The following FAM228B variants were observed in gnomAD, a reference collection of about 807,000 sequenced individuals.
FAM228B encodes the protein family with sequence similarity 228 member B, also known as protein FAM228B.
A neutral mutation model predicts 42.6 loss-of-function variants in FAM228B; 38 were observed. That is an observed-to-expected ratio of 0.89 (90% CI 0.69 to 1.17). The LOEUF (loss-of-function observed/expected upper bound fraction) is 1.17, where lower values mean the gene tolerates loss of function less well. FAM228B is among the 50% of genes most tolerant of loss of function. FAM228B has a pLI of 0.00. For missense variants in FAM228B, 344 were observed against 367.3 expected, an observed-to-expected ratio of 0.94 and a Z score of 0.52; for synonymous variants, 109 against 122.3, an observed-to-expected ratio of 0.89 and a Z score of 0.72.
In FAM228B at chr2:24,133,728, C is replaced by T. The variant is rs559396686; in HGVS notation, c.100-1391C>T. ...CCTAAAGATTGTGTTATTTCAAAATCTGAAAATGTGACTTGTATATAAAAA... is the reference window on the plus strand; with the variant it reads ...CCTAAAGATTGTGTTATTTCAAAATTTGAAAATGTGACTTGTATATAAAAA... On this transcript the variant is annotated intron_variant, in intron 2 of 10. Transcript: ENST00000615575. 2.6e-5 allele frequency among the ~76,000 whole-genome samples: 4 copies of T among 152,212 alleles called. No homozygotes were observed. The South Asian group carries it at 8.3e-4, about 32-fold the overall frequency.
intron 7 of FAM228B, among the ~76,000 whole-genome samples, chr2:24,147,796 A>G (rs1044525560): frequency 2.0e-5 from 3 of 152,058 alleles, no homozygotes; most frequent in African/African-American, 7.2e-5. Context: ...CTTTTCCACT[A>G]GATTCTTTAC....
chr2:24,121,081 C>T (rs998867944), upstream of FAM228B: 142 of 1,531,362 alleles, frequency 9.3e-5, no homozygotes, highest in Non-Finnish European at 1.1e-4. Context: ...ATCTGTTTTA[C>T]AGAAAGGATC....
At chr2:24,123,818 G>A (rs1666217851) in intron 1 of FAM228B, among the ~76,000 whole-genome samples, 1 of 152,066 alleles carries the variant, frequency 6.6e-6, no homozygotes. Flanking sequence ...GGGAGTGGGC[G>A]CGATGAGCGA....
Position 24,146,987 on chromosome 2 carries a change from G to T in FAM228B, c.587G>T (p.Arg196Ile). The T allele has an allele frequency of 6.4e-7, 1 of 1,551,416 alleles. No individual in the cohort carries two copies. The highest frequency in any genetic ancestry group is 8.7e-7 in the Non-Finnish European group (1 of 1,146,814). ...GTTGAGAAGGTTCAGCTGCATTCCA[G>T]ATTCCCACAAATTTCTAATTCAAGG... ...KEVEKVQLHSRFPQISNSRHF... is the reference protein window; with the variant it reads ...KEVEKVQLHSIFPQISNSRHF... Residue 196 changes from arginine to isoleucine, a missense_variant, in exon 7 of 11, where the codon AGA (arginine) becomes ATA (isoleucine). By Grantham distance (97) the Arg-to-Ile change is moderately conservative. Coordinates refer to ENST00000615575, the MANE Select transcript of FAM228B (RefSeq NM_001145710.2).
intron 3 of FAM228B, among the ~76,000 whole-genome samples, chr2:24,105,772 C>T (rs1573739879): frequency 6.6e-6 from 1 of 152,180 alleles, no homozygotes; most frequent in Admixed American, 6.5e-5. Context: ...AAGAACCCAA[C>T]TGATCTGATA....
chr2:24,164,052 A>T, intron 8 of FAM228B, 146 bp from the exon 9 acceptor site: 1 of 724,648 alleles, frequency 1.4e-6, no homozygotes, highest in Non-Finnish European at 2.1e-6. Context: ...GTTTATTTTC[A>T]CACAAAAAAA....
intron 2 of FAM228B, among the ~76,000 whole-genome samples, chr2:24,082,258 A>G (rs1665039602): frequency 6.6e-6 from 1 of 152,208 alleles, no homozygotes; most frequent in Non-Finnish European, 1.5e-5. Flanking sequence ...TGCTACGATT[A>G]TAGGTGTGAG....
intron 5 of FAM228B, among the ~76,000 whole-genome samples, chr2:24,146,532 T>C (rs1436735495): frequency 2.6e-5 from 4 of 152,208 alleles, no homozygotes; most frequent in African/African-American, 9.6e-5. Flanking sequence ...GCTAACTTTG[T>C]CTCTTTGACT....
At position 24,093,780 on chromosome 2, in the gene FAM228B, C is replaced by T. The variant is rs182299403; in HGVS notation, c.-209-1361C>T. Among the ~76,000 whole-genome samples, 355 of 152,032 alleles carry T rather than the reference C, an allele frequency of 2.3e-3. 5 individuals carry two copies. The highest frequency in any genetic ancestry group is 0.021 in the Admixed American group (318 of 15,234). On this transcript the variant is annotated intron_variant, in intron 2 of 10. Coordinates refer to the FAM228B transcript ENST00000613899. ...TACAGGGGCCCACCACCTAGCCTGG[C>T]TAATTTTTTTTGTATTTTTAATAGA...
At chr2:24,088,420 G>A (rs999515321) in intron 2 of FAM228B, among the ~76,000 whole-genome samples, 10 of 152,032 alleles carry the variant, frequency 6.6e-5, no homozygotes, top group Middle Eastern at 6.8e-3. Context: ...GGGTGATCTC[G>A]GCTCACTGCA....
intron 5 of FAM228B, among the ~76,000 whole-genome samples, chr2:24,145,480 C>T (rs554293400): frequency 6.6e-6 from 1 of 152,336 alleles, no homozygotes; most frequent in African/African-American, 2.4e-5. Context: ...AAAAGTCCTC[C>T]CCTACGGAAG....
At chr2:24,115,183 G>T (rs1665875185) in intron 3 of FAM228B, among the ~76,000 whole-genome samples, 1 of 152,182 alleles carries the variant, frequency 6.6e-6, no homozygotes, top group South Asian at 2.1e-4. Context: ...CTGTCCTGAT[G>T]GGAGACATCC....
intron 1 of FAM228B, 107 bp from the exon 2 acceptor site, chr2:24,124,223 A>C (rs73920010): frequency 0.15 from 89,826 of 581,652 alleles, 7,575 homozygotes; most frequent in South Asian, 0.22. Context: ...CTGGATGGTT[A>C]GTGTTCAAAA....
chr2:24,086,167 G>A (rs1338701638), intron 2 of FAM228B, among the ~76,000 whole-genome samples: 1 of 148,242 alleles, frequency 6.7e-6, no homozygotes, highest in African/African-American at 2.5e-5. Context: ...CCCGGGAGGG[G>A]GAGCTTGCAG....
At chr2:24,137,241 G>T (rs562724229) in intron 3 of FAM228B, among the ~76,000 whole-genome samples, 1 of 152,016 alleles carries the variant, frequency 6.6e-6, no homozygotes, top group Non-Finnish European at 1.5e-5. Context: ...GAATAATGCC[G>T]CAATGAACAT....
chr2:24,104,010 A>C (rs1468029621), intron 3 of FAM228B, among the ~76,000 whole-genome samples: 1 of 152,168 alleles, frequency 6.6e-6, no homozygotes, highest in Admixed American at 6.5e-5. Context: ...GCTGTTTTGG[A>C]GAAGAAACAA....
At chr2:24,161,412 A>T in intron 7 of FAM228B, 94 bp from the exon 8 acceptor site, 1 of 732,346 alleles carries the variant, frequency 1.4e-6, no homozygotes, top group Non-Finnish European at 2.3e-6. Context: ...TGATTGCACC[A>T]CTGCACCACA....
chr2:24,154,247 G>A (rs1232604777), intron 7 of FAM228B, among the ~76,000 whole-genome samples: 3 of 152,190 alleles, frequency 2.0e-5, no homozygotes, highest in African/African-American at 7.2e-5. Context: ...GTTCCAGTGC[G>A]GGGAATAAAG....
chr2:24,098,723 T>A (rs551549683), intron 3 of FAM228B, among the ~76,000 whole-genome samples: 191 of 152,338 alleles, frequency 1.3e-3, no homozygotes, highest in African/African-American at 4.4e-3. Flanking sequence ...GCTGGTACCA[T>A]TCCTTCTGAA....
Sources: gnomAD v4.1 joint callset for allele counts (sites outside exome capture counted in the v4.1 genomes callset) on GRCh38, gnomAD v4.1.1 for gene constraint, MANE v1.5 for transcripts, NCBI Gene and HGNC (gene_info 2026-07-23, HGNC 2026-07-21) for gene names.